Variants in IQCH observed in about 807,000 individuals in gnomAD.
IQCH encodes the protein IQ domain-containing protein H.
A neutral mutation model predicts 117.0 loss-of-function variants in IQCH; 98 were observed. The ratio of observed to expected loss-of-function variants is 0.84; its 90% confidence interval spans 0.71 to 0.99. IQCH has a LOEUF of 0.99. Among genes scored for constraint, IQCH ranks in the 50% least tolerant of loss-of-function variants. The probability of loss-of-function intolerance (pLI) is 0.00; values close to 1 mark genes in which losing one functional copy is unlikely to be tolerated. For synonymous variants in IQCH, 412 were observed against 448.2 expected, an observed-to-expected ratio of 0.92 and a Z score of 1.02; for missense variants, 1,102 against 1,243.8, an observed-to-expected ratio of 0.89 and a Z score of 1.72.
Position 67,279,476 on chromosome 15 carries a change from G to A in IQCH, c.351G>A (p.Gln117=). 1 of 1,606,990 alleles carries A rather than the reference G, an allele frequency of 6.2e-7. No individual in the cohort carries two copies. The highest frequency in any genetic ancestry group is 8.5e-7 in the Non-Finnish European group (1 of 1,175,264). The change falls in exon 4 of 21, where the codon CAG becomes CAA. Residue 117 remains glutamine, a synonymous_variant. Transcript: ENST00000335894. ...SEGTFWQPQR[Q]HSSSLPVFPR... ...GTACATTTTGGCAACCCCAAAGACA[G>A]CACAGTTCATCTCTGCCTGTCTTTC...
chr15:67,370,970 G>A lies in IQCH; in HGVS notation c.754-1141G>A, dbSNP rs1156348267. Among the ~76,000 whole-genome samples the A allele has an allele frequency of 6.6e-6, 1 of 151,480 alleles. No homozygotes were observed. Among genetic ancestry groups the A allele is most frequent in the Non-Finnish European group, 1.5e-5 (1 of 67,918 alleles). On this transcript the variant is annotated intron_variant, in intron 8 of 20. Transcript: ENST00000335894. This position sits in a 1 kb window ranked among gnomAD's most constrained non-coding sequence, Gnocchi z 5.6. ...CATTATGGATAAATTGCTGGGGGGG[G>A]TTTTCTTTGAGTTTTTTGAAAACTC...
chr15:67,388,930 C>A lies in IQCH; in HGVS notation c.1556C>A (p.Ser519Tyr). 1 of 1,613,968 alleles carries A rather than the reference C, an allele frequency of 6.2e-7. No individual in the cohort carries two copies. Among genetic ancestry groups the A allele is most frequent in the Non-Finnish European group, 8.5e-7 (1 of 1,179,860 alleles). Reference sequence around the variant, plus strand: ...CTAAGTCTACATGCAGCCGTCAAATCTGGGAACCTTGAGGACAGAAGTGAC... The same window carrying A: ...CTAAGTCTACATGCAGCCGTCAAATATGGGAACCTTGAGGACAGAAGTGAC... ...KILSLHAAVKSGNLEDRSDLQ... is the reference protein window; with the variant it reads ...KILSLHAAVKYGNLEDRSDLQ... Residue 519 changes from serine to tyrosine, a missense_variant, in exon 12 of 21, where the codon TCT becomes TAT. By Grantham distance (144) the Ser-to-Tyr change is moderately radical. Transcript: ENST00000335894. This position sits in a 1 kb window ranked among gnomAD's most constrained non-coding sequence, Gnocchi z 5.5.
Position 67,356,399 on chromosome 15 carries a change from C to T in IQCH, c.638-946C>T, listed in dbSNP as rs910463924. On this transcript the variant is annotated intron_variant, in intron 6 of 20. Transcript: ENST00000335894. This position sits in a 1 kb window ranked among gnomAD's most constrained non-coding sequence, Gnocchi z 5.3. ...CACTGAAAAGGCTCTGCTATTTTTC[C>T]TACTCTTTAAAAAAGAGCTGAAGAT... 6.6e-6 allele frequency among the ~76,000 whole-genome samples: 1 copy of T among 152,070 alleles called. No homozygotes were observed.
chr15:67,343,826 A>C (rs1695013674), intron 5 of IQCH, among the ~76,000 whole-genome samples: 1 of 152,252 alleles, frequency 6.6e-6, no homozygotes, highest in Non-Finnish European at 1.5e-5. Flanking sequence ...AAATTACTTT[A>C]GTGCAATTTT....
At position 67,490,099 on chromosome 15, in the gene IQCH, C is replaced by T. The variant is rs1567232251; in HGVS notation, c.2861+35C>T. On this transcript the variant is annotated intron_variant, in intron 19 of 20. Transcript: ENST00000335894. The surrounding 1 kb of genome is among the most constrained non-coding windows in gnomAD (Gnocchi z 4.9). ...AAGTGTATCTGTGAGTTGCAATAAG[C>T]TAAGGAAATAGACAATCACAACTAA... is the stretch of plus-strand genomic sequence containing the variant. 2 of 1,270,212 alleles carry T rather than the reference C, an allele frequency of 1.6e-6. No individual in the cohort carries two copies. Among genetic ancestry groups the T allele is most frequent in the African/African-American group, 2.6e-5 (1 of 38,030 alleles). The allele number at this position is 1,270,212 out of a possible 1,614,324, so 78.7% of individuals were successfully genotyped here.
chr15:67,475,871 T>G lies in IQCH; in HGVS notation c.2799+53T>G. 6.6e-7 allele frequency: 1 copy of G among 1,507,964 alleles called. No individual in the cohort carries two copies. The allele number at this position is 1,507,964 out of a possible 1,614,324, so 93.4% of individuals were successfully genotyped here. On this transcript the variant is annotated intron_variant, in intron 18 of 20. Coordinates refer to ENST00000335894, the MANE Select transcript of IQCH (RefSeq NM_001031715.3). The surrounding 1 kb of genome is among the most constrained non-coding windows in gnomAD (Gnocchi z 5.7). ...CGGCCAAAGACATGCCTGTGGGTGA[T>G]CTAGGTAGCTAATAATTTGGTGCCC...
intron 3 of IQCH, among the ~76,000 whole-genome samples, chr15:67,274,744 G>C (rs959303562): frequency 2.0e-5 from 3 of 152,118 alleles, no homozygotes. Context: ...TGCATTAAAG[G>C]ATTAGTTATT....
At chr15:67,451,015 G>C (rs200817999) in intron 16 of IQCH, among the ~76,000 whole-genome samples, 1 of 152,134 alleles carries the variant, frequency 6.6e-6, no homozygotes, top group Non-Finnish European at 1.5e-5. Context: ...TTGTGTAGAG[G>C]TGTTTATAGT....
At chr15:67,358,837 A>G (rs1970020663) in intron 7 of IQCH, among the ~76,000 whole-genome samples, 2 of 152,248 alleles carry the variant, frequency 1.3e-5, no homozygotes, top group Admixed American at 6.5e-5. Context: ...CAATATTGAA[A>G]TCATCAAGAG....
rs1465873843 is a variant in IQCH at position 67,406,152 on chromosome 15, G to A, written c.2097+5847G>A. Reference sequence around the variant, plus strand: ...TACACTATCGTGATCATTTTAGTGAGCCTGTAAATTCCCAAAAAGCTTTGA... The same window carrying A: ...TACACTATCGTGATCATTTTAGTGAACCTGTAAATTCCCAAAAAGCTTTGA... On this transcript the variant is annotated intron_variant, in intron 14 of 20. Coordinates refer to ENST00000335894, the MANE Select transcript of IQCH (RefSeq NM_001031715.3). The surrounding 1 kb of genome is among the most constrained non-coding windows in gnomAD (Gnocchi z 4.5). 1 of 152,196 alleles carries A rather than the reference G, an allele frequency of 6.6e-6. No homozygotes were observed. The highest frequency in any genetic ancestry group is 1.9e-4 in the East Asian group (1 of 5,200). 9.4% of individuals were successfully genotyped at this position (152,196 alleles called of 1,614,324 possible).
At chr15:67,477,354 T>G (rs2083231133) in intron 18 of IQCH, among the ~76,000 whole-genome samples, 1 of 151,944 alleles carries the variant, frequency 6.6e-6, no homozygotes, top group African/African-American at 2.4e-5. Context: ...GCCCCAAATT[T>G]TATACGTTCT....
Position 67,401,673 on chromosome 15 carries a change from T to C in IQCH, c.2097+1368T>C, listed in dbSNP as rs1971664567. The stretch of plus-strand genomic sequence containing the variant: ...AAATGTGACTGGTTTCCCCATGATC[T>C]ATTCTGGGCTTCGTTTCTCCCCTCC... On this transcript the variant is annotated intron_variant, in intron 14 of 20. Coordinates refer to ENST00000335894, the MANE Select transcript of IQCH (RefSeq NM_001031715.3). This position sits in a 1 kb window ranked among gnomAD's most constrained non-coding sequence, Gnocchi z 4.7. 6.6e-6 allele frequency among the ~76,000 whole-genome samples: 1 copy of C among 152,220 alleles called. No homozygotes were observed. Among genetic ancestry groups the C allele is most frequent in the African/African-American group, 2.4e-5 (1 of 41,452 alleles).
At chr15:67,337,199 T>A in intron 5 of IQCH, 104 bp downstream of exon 5, 1 of 1,317,212 alleles carries the variant, frequency 7.6e-7, no homozygotes, top group Non-Finnish European at 1.1e-6. Context: ...CCACTAATTC[T>A]CCTGGGTGGC....
rs142597481 is a variant in IQCH, at chr15:67,320,962, A to C, written c.388-16013A>C. On this transcript the variant is annotated intron_variant, in intron 4 of 20. Coordinates refer to ENST00000335894, the MANE Select transcript of IQCH (RefSeq NM_001031715.3). ...ATGAATCTTTAAGAAGGGGGAATGC[A>C]GTTAGCAATGTTTCCCAAACTTCCT... Among the ~76,000 whole-genome samples the C allele has an allele frequency of 6.8e-4, 104 of 152,352 alleles. 4 individuals carry two copies. The East Asian group carries it at 0.012, about 17-fold the overall frequency.
In IQCH at chr15:67,453,068, A is replaced by T. The variant is rs1410878973; in HGVS notation, c.2506-12059A>T. The stretch of plus-strand genomic sequence containing the variant: ...ACGTAGCTCTCGTGCCTTGGTTTTC[A>T]GCTCCATCAGGTCCTTTAAGGACTT... On this transcript the variant is annotated intron_variant, in intron 16 of 20. Coordinates refer to ENST00000335894, the MANE Select transcript of IQCH (RefSeq NM_001031715.3). The surrounding 1 kb of genome is among the most constrained non-coding windows in gnomAD (Gnocchi z 5.8). 2.0e-5 allele frequency among the ~76,000 whole-genome samples: 3 copies of T among 152,134 alleles called. No individual in the cohort carries two copies. Among genetic ancestry groups the T allele is most frequent in the African/African-American group, 7.2e-5 (3 of 41,432 alleles).
chr15:67,264,914 A>T (rs1965609766), intron 3 of IQCH, among the ~76,000 whole-genome samples: 1 of 151,806 alleles, frequency 6.6e-6, no homozygotes, highest in African/African-American at 2.4e-5. Context: ...TATACAAGAG[A>T]GCCTACCAAG....
At chr15:67,321,840 A>C (rs11852260) in intron 4 of IQCH, among the ~76,000 whole-genome samples, 69,647 of 151,996 alleles carry the variant, frequency 0.46, 16,405 homozygotes, top group Non-Finnish European at 0.52. Context: ...TACTCTGTAC[A>C]GTTTCAATCT....
chr15:67,349,589 A>T (rs1221313746), intron 6 of IQCH, among the ~76,000 whole-genome samples: 2 of 142,890 alleles, frequency 1.4e-5, no homozygotes, highest in African/African-American at 5.2e-5. Flanking sequence ...CTGGGCAACA[A>T]GAGCAAGACT....
chr15:67,341,880 T>C (rs1283693822), intron 5 of IQCH, among the ~76,000 whole-genome samples: 1 of 152,206 alleles, frequency 6.6e-6, no homozygotes, highest in African/African-American at 2.4e-5. Context: ...TAAATTTGCA[T>C]GTGTATAAAC....
Sources: allele counts gnomAD v4.1 joint callset (sites outside exome capture counted in the v4.1 genomes callset), GRCh38; gene constraint gnomAD v4.1.1; non-coding constraint Gnocchi (gnomAD v3.1); transcripts MANE v1.5; gene names NCBI Gene and HGNC (gene_info 2026-07-23, HGNC 2026-07-21).